The following TMEM276 variants were observed in gnomAD, a reference collection of about 807,000 sequenced individuals.
The protein encoded by TMEM276 is transmembrane protein 276.
the TMEM276 span, chr8:144,465,440 C>T: frequency 9.9e-7 from 1 of 1,005,690 alleles, no homozygotes; most frequent in Non-Finnish European, 1.2e-6. Flanking sequence ...GCCTCCTCTG[C>T]CGTGCCCCCA....
the TMEM276 span, chr8:144,466,742 C>T: frequency 1.3e-6 from 2 of 1,517,606 alleles, no homozygotes; most frequent in East Asian, 2.5e-5. Flanking sequence ...CTCAGGGGCG[C>T]CCCTGCCCCC....
the TMEM276 span, chr8:144,466,755 C>A: frequency 6.5e-7 from 1 of 1,529,308 alleles, no homozygotes; most frequent in African/African-American, 1.4e-5. Context: ...CTGCCCCCTC[C>A]CTAGAGAGCC....
the TMEM276 span, chr8:144,465,236 C>A: frequency 8.6e-7 from 1 of 1,158,754 alleles, no homozygotes; most frequent in Non-Finnish European, 1.1e-6. Flanking sequence ...CGAGGCGCTG[C>A]AGGCCCACGC....
the TMEM276 span, chr8:144,466,649 C>G: frequency 5.8e-6 from 6 of 1,030,896 alleles, no homozygotes; most frequent in Admixed American, 3.8e-5. Context: ...GGCTCGGCCC[C>G]GATGCTGGAA....
At chr8:144,464,120 C>T in the TMEM276 span, 2 of 1,604,184 alleles carry the variant, frequency 1.2e-6, no homozygotes, top group Non-Finnish European at 1.7e-6. Context: ...CTGGCTGTAT[C>T]CAACTGTCAC....
the TMEM276 span, chr8:144,464,678 A>G: frequency 3.2e-6 from 5 of 1,573,544 alleles, no homozygotes; most frequent in African/African-American, 6.8e-5. Context: ...TAAACAGGAA[A>G]GGGTTTGGGG....
At chr8:144,465,297 C>G in the TMEM276 span, 2 of 1,123,292 alleles carry the variant, frequency 1.8e-6, no homozygotes, top group Middle Eastern at 4.0e-4. Context: ...CCTGGGAACC[C>G]GGGTCCAGGA....
the TMEM276 span, chr8:144,464,285 A>G: frequency 6.2e-7 from 1 of 1,610,132 alleles, no homozygotes; most frequent in Non-Finnish European, 8.5e-7. Flanking sequence ...GCCCCCCCCC[A>G]CATCCCATAA....
At chr8:144,464,545 C>T in the TMEM276 span, 1 of 1,612,108 alleles carries the variant, frequency 6.2e-7, no homozygotes, top group Non-Finnish European at 8.5e-7. Context: ...TGTGCTCAGC[C>T]CTGGGGCCAG....
the TMEM276 span, chr8:144,464,969 C>G: frequency 6.3e-7 from 1 of 1,575,910 alleles, no homozygotes; most frequent in Non-Finnish European, 8.6e-7. Flanking sequence ...AGGAAGGAAG[C>G]GCAGAAGCCA....
At chr8:144,463,974 C>T in the TMEM276 span, 9 of 1,505,492 alleles carry the variant, frequency 6.0e-6, no homozygotes, top group Non-Finnish European at 7.1e-6. Context: ...GGCCAAAGGA[C>T]AGCACCCAGA....
the TMEM276 span, chr8:144,466,696 C>T: frequency 3.0e-6 from 4 of 1,347,000 alleles, no homozygotes; most frequent in African/African-American, 4.6e-5. Flanking sequence ...GCCCGGTTCG[C>T]GGAGGGAAGG....
the TMEM276 span, chr8:144,465,179 G>A: frequency 2.0e-5 from 27 of 1,349,610 alleles, no homozygotes; most frequent in Admixed American, 8.7e-5. Context: ...TCAGCCCTGG[G>A]GCCCTGGAGC....
chr8:144,464,160 C>T, the TMEM276 span: 7 of 1,612,778 alleles, frequency 4.3e-6, no homozygotes, highest in South Asian at 1.1e-5. Flanking sequence ...TATGCAGGGC[C>T]CGGCAGTAAG....
the TMEM276 span, chr8:144,466,963 C>T: frequency 1.1e-5 from 17 of 1,593,392 alleles, no homozygotes; most frequent in East Asian, 2.2e-5. Flanking sequence ...CGGCAGCCAG[C>T]TCCGAGCCTG....
chr8:144,463,908 C>T, the TMEM276 span: 1 of 1,413,452 alleles, frequency 7.1e-7, no homozygotes, highest in Non-Finnish European at 9.2e-7. Context: ...TCAGGACCCC[C>T]AAACGTGTCT....
the TMEM276 span, chr8:144,464,156 G>C: frequency 1.1e-5 from 18 of 1,612,636 alleles, no homozygotes; most frequent in Admixed American, 2.7e-4. Flanking sequence ...TGTGTATGCA[G>C]GGCCCGGCAG....
chr8:144,465,236 C>CA, the TMEM276 span: 1 of 1,158,754 alleles, frequency 8.6e-7, no homozygotes, highest in Non-Finnish European at 1.1e-6. Flanking sequence ...CGAGGCGCTG[C>CA]AGGCCCACGC....
the TMEM276 span, chr8:144,466,633 A>G: frequency 1.1e-5 from 10 of 876,464 alleles, no homozygotes; most frequent in Non-Finnish European, 1.5e-5. Context: ...CGTGCCGAGG[A>G]CCCTCGGCTC....
Sources: allele counts gnomAD v4.1 joint callset, GRCh38; gene constraint gnomAD v4.1.1; transcripts MANE v1.5; gene names NCBI Gene and HGNC (gene_info 2026-07-23, HGNC 2026-07-21).